The following PDE6A variants were observed in gnomAD, a reference collection of about 807,000 sequenced individuals.
PDE6A encodes rod cGMP-specific 3',5'-cyclic phosphodiesterase subunit alpha.
In PDE6A, 84 loss-of-function variants were observed where a neutral mutation model predicts 106.3. The observed-to-expected ratio is 0.79, with a 90% confidence interval of 0.66 to 0.95. PDE6A has a LOEUF of 0.95. Ranked by LOEUF, PDE6A falls within the 40% of genes least tolerant of loss-of-function variation. The probability of loss-of-function intolerance (pLI) is 0.00; values close to 1 mark genes in which losing one functional copy is unlikely to be tolerated. For missense variants in PDE6A, 1,052 were observed against 1,084.9 expected, an observed-to-expected ratio of 0.97 and a Z score of 0.43; for synonymous variants, 394 against 386.6, an observed-to-expected ratio of 1.02 and a Z score of -0.23.
At chr5:149,936,044 C>T (rs186779890) in intron 1 of PDE6A, among the ~76,000 whole-genome samples, 253 of 152,136 alleles carry the variant, frequency 1.7e-3, no homozygotes, top group African/African-American at 5.9e-3. Context: ...GTTCCAGCTA[C>T]TCAGGAAGCT....
At chr5:149,922,964 A>G (rs2113642733) in intron 4 of PDE6A, among the ~76,000 whole-genome samples, 1 of 152,380 alleles carries the variant, frequency 6.6e-6, no homozygotes, top group East Asian at 1.9e-4. Context: ...ATATTACTGT[A>G]ACAAATGGTC....
chr5:149,913,329 C>A (rs1290680412), intron 6 of PDE6A, among the ~76,000 whole-genome samples: 1 of 150,094 alleles, frequency 6.7e-6, no homozygotes, highest in East Asian at 2.0e-4. Context: ...TTGTAGTGAG[C>A]TGAGATTCGG....
chr5:149,895,139 T>C, intron 13 of PDE6A, 44 bp downstream of exon 13: 2 of 1,092,602 alleles, frequency 1.8e-6, no homozygotes, highest in South Asian at 1.2e-5. Context: ...GATTGTCTAG[T>C]GTGATGCAAG....
intron 13 of PDE6A, among the ~76,000 whole-genome samples, chr5:149,889,081 CAA>C (rs568428704): frequency 3.1e-4 from 19 of 61,552 alleles, no homozygotes; most frequent in African/African-American, 5.0e-4. Context: ...GACTCTGTCT[CAA>C]AAAAAAAAAA....
chr5:149,908,955 T>G (rs1351352658), intron 6 of PDE6A, among the ~76,000 whole-genome samples: 1 of 152,264 alleles, frequency 6.6e-6, no homozygotes, highest in East Asian at 1.9e-4. Flanking sequence ...TATTTTATTG[T>G]AATACATATT....
chr5:149,862,358 G>A (rs78648134), intron 21 of PDE6A, among the ~76,000 whole-genome samples: 21 of 152,312 alleles, frequency 1.4e-4, no homozygotes, highest in African/African-American at 4.8e-4. Context: ...GAATGAGGAT[G>A]TCATATAAGA....
intron 5 of PDE6A, among the ~76,000 whole-genome samples, chr5:149,915,439 C>T (rs979050965): frequency 4.6e-5 from 7 of 152,156 alleles, no homozygotes; most frequent in African/African-American, 7.2e-5. Flanking sequence ...TATTGATATA[C>T]AGTAGTTGTA....
At chr5:149,861,163 C>T (rs1466140513) in intron 21 of PDE6A, among the ~76,000 whole-genome samples, 192 bp from the exon 22 acceptor site, 1 of 152,178 alleles carries the variant, frequency 6.6e-6, no homozygotes. Flanking sequence ...AAAATAGCAG[C>T]ACGAGGATGA....
At chr5:149,876,956 A>G (rs1049983727) in intron 17 of PDE6A, among the ~76,000 whole-genome samples, 5 of 152,044 alleles carry the variant, frequency 3.3e-5, no homozygotes, top group Non-Finnish European at 5.9e-5. Flanking sequence ...GATGATAGAT[A>G]GATAGATAGA....
chr5:149,901,218 A>T (rs780747704), intron 8 of PDE6A, among the ~76,000 whole-genome samples: 1 of 151,892 alleles, frequency 6.6e-6, no homozygotes, highest in Non-Finnish European at 1.5e-5. Flanking sequence ...ACCTGGCCCA[A>T]CCTATGTTTC....
At chr5:149,942,923 A>AT in intron 1 of PDE6A, among the ~76,000 whole-genome samples, 1 of 151,624 alleles carries the variant, frequency 6.6e-6, no homozygotes, top group Non-Finnish European at 1.5e-5. Flanking sequence ...AGAACATATG[A>AT]TTGGGTTTTA....
chr5:149,910,244 G>A (rs1753333227), intron 6 of PDE6A, among the ~76,000 whole-genome samples: 1 of 152,004 alleles, frequency 6.6e-6, no homozygotes, highest in African/African-American at 2.4e-5. Context: ...CTTTTGATTA[G>A]CATTTGCATG....
intron 8 of PDE6A, among the ~76,000 whole-genome samples, chr5:149,900,105 G>A (rs1266853795): frequency 6.6e-6 from 1 of 151,930 alleles, no homozygotes. Context: ...TATAATCCCA[G>A]CATTTTGGGA....
intron 17 of PDE6A, 113 bp downstream of exon 17, chr5:149,883,316 C>T (rs1761000266): frequency 4.1e-6 from 3 of 737,390 alleles, no homozygotes; most frequent in Non-Finnish European, 7.4e-6. Flanking sequence ...ATGTTGAAGG[C>T]CTCCAAAATG....
At chr5:149,885,410 C>T (rs1448255348) in intron 14 of PDE6A, among the ~76,000 whole-genome samples, 3 of 152,226 alleles carry the variant, frequency 2.0e-5, no homozygotes, top group Non-Finnish European at 4.4e-5. Flanking sequence ...TTAGCCCCTG[C>T]TCTGCCCAGC....
At chr5:149,937,813 G>T (rs933096103) in intron 1 of PDE6A, among the ~76,000 whole-genome samples, 10 of 152,082 alleles carry the variant, frequency 6.6e-5, no homozygotes, top group African/African-American at 1.9e-4. Flanking sequence ...TAATGACTAG[G>T]CTCAGAGCCA....
Position 149,863,466 on chromosome 5 carries a change from C to G in PDE6A, c.2359-200G>C, listed in dbSNP as rs956900318. ...TGCTTAGAAGCCTCCTGTGGCGCCC[C>G]TGTCCTTCAGCATGAAGTGAAAACC... On this transcript the variant is annotated intron_variant, in intron 20 of 21. Coordinates refer to ENST00000255266, the MANE Select transcript of PDE6A (RefSeq NM_000440.3). This position sits in a 1 kb window ranked among gnomAD's most constrained non-coding sequence, Gnocchi z 4.7. Among the ~76,000 whole-genome samples the G allele has an allele frequency of 1.3e-5, 2 of 152,226 alleles. No homozygotes were observed. The highest frequency in any genetic ancestry group is 2.9e-5 in the Non-Finnish European group (2 of 68,040).
intron 21 of PDE6A, among the ~76,000 whole-genome samples, chr5:149,862,305 G>A (rs771456842): frequency 9.9e-5 from 15 of 152,176 alleles, no homozygotes; most frequent in Non-Finnish European, 1.8e-4. Context: ...GCTTCAACAA[G>A]GAACAATTTG....
At chr5:149,940,747 C>T (rs1328023421) in intron 1 of PDE6A, among the ~76,000 whole-genome samples, 2 of 152,098 alleles carry the variant, frequency 1.3e-5, no homozygotes, top group African/African-American at 4.8e-5. Flanking sequence ...ATCTGCCTGC[C>T]TCGGCCTCCC....
Sources: gnomAD v4.1 joint callset for allele counts (sites outside exome capture counted in the v4.1 genomes callset) on GRCh38, gnomAD v4.1.1 for gene constraint, Gnocchi (gnomAD v3.1) non-coding constraint, MANE v1.5 for transcripts, NCBI Gene and HGNC (gene_info 2026-07-23, HGNC 2026-07-21) for gene names.